SLC6A17: variants seen among roughly 807,000 people sequenced by gnomAD.
The protein encoded by SLC6A17 is solute carrier family 6 member 17, also known as sodium-dependent neutral amino acid transporter SLC6A17.
In SLC6A17, 21 loss-of-function variants were observed where a neutral mutation model predicts 64.5. The observed-to-expected ratio is 0.33, with a 90% CI of 0.23 to 0.47. SLC6A17 has a LOEUF of 0.47. Among genes scored for constraint, SLC6A17 ranks in the 20% least tolerant of loss-of-function variants. SLC6A17 has a pLI of 1.00. For missense variants in SLC6A17, 682 were observed against 963.2 expected (o/e 0.71, Z 3.86); for synonymous variants, 372 against 399.5 (o/e 0.93, Z 0.82).
Position 110,200,333 on chromosome 1 carries a change from A to G in SLC6A17, c.*1889A>G. 1.1e-5 allele frequency: 4 copies of G among 374,346 alleles called. No homozygotes were observed. The highest frequency in any genetic ancestry group is 1.9e-5 in the Non-Finnish European group (4 of 211,128). The allele number at this position is 374,346 out of a possible 1,614,324, so 23.2% of individuals were successfully genotyped here. On this transcript the variant is annotated 3_prime_UTR_variant, in exon 12 of 12. Coordinates refer to ENST00000331565, the MANE Select transcript of SLC6A17 (RefSeq NM_001010898.4). The stretch of plus-strand genomic sequence containing the variant: ...GGAGAGAGAGACCCACATCTCCCCA[A>G]AGAGATGAGCTTTTGGGGCACAACA...
intron 1 of SLC6A17, among the ~76,000 whole-genome samples, chr1:110,154,027 G>A (rs945064401): frequency 3.9e-5 from 6 of 152,248 alleles, no homozygotes; most frequent in Admixed American, 1.3e-4. Context: ...GCAGTGATAT[G>A]TAAGGAAATG....
In SLC6A17 at chr1:110,195,723, G is replaced by T; in HGVS notation, c.1630G>T (p.Ala544Ser). 6.2e-7 allele frequency: 1 copy of T among 1,614,238 alleles called. No individual in the cohort carries two copies. The highest frequency in any genetic ancestry group is 8.5e-7 in the Non-Finnish European group (1 of 1,180,046). ...LIVILENIAV[A>S]WIYGTKKFMQ... Reference sequence around the variant, plus strand: ...CGTCATCCTTGAGAACATCGCTGTGGCCTGGATTTATGGAACCAAGAAGTA... The same window carrying T: ...CGTCATCCTTGAGAACATCGCTGTGTCCTGGATTTATGGAACCAAGAAGTA... The change falls in exon 10 of 12, where the codon GCC (alanine) becomes TCC (serine). Residue 544 changes from alanine (A) to serine (S), a missense_variant. Physicochemically the swap from Ala to Ser is moderately conservative, Grantham distance 99. Around this residue, in one of 3 missense-constraint regions of SLC6A17, gnomAD observed 264 missense variants for 339.5 expected, o/e 0.78. Coordinates refer to ENST00000331565, the MANE Select transcript of SLC6A17 (RefSeq NM_001010898.4).
intron 1 of SLC6A17, among the ~76,000 whole-genome samples, chr1:110,158,588 A>G (rs1655819935): frequency 1.3e-5 from 2 of 152,338 alleles, no homozygotes; most frequent in South Asian, 4.1e-4. Flanking sequence ...ACTCATGACA[A>G]CCCTACGAGG....
chr1:110,172,018 G>A (rs774309686), intron 2 of SLC6A17, 42 bp from the exon 3 acceptor site: 31 of 1,605,932 alleles, frequency 1.9e-5, no homozygotes, highest in Non-Finnish European at 2.4e-5. Flanking sequence ...CTCTGCTGCT[G>A]TGCTCCAGAG....
chr1:110,150,651 C>T lies in SLC6A17; in HGVS notation c.-320C>T, dbSNP rs2101833542. Reference sequence around the variant, plus strand: ...CCGTGGGACCTGGGTCCCCGCGCCGCTCCCCTGAGCCCCGAGCGCGCGGCG... The same window carrying T: ...CCGTGGGACCTGGGTCCCCGCGCCGTTCCCCTGAGCCCCGAGCGCGCGGCG... On this transcript the variant is annotated 5_prime_UTR_variant, in exon 1 of 12. Transcript: ENST00000331565. 6.6e-6 allele frequency: 1 copy of T among 152,346 alleles called. No homozygotes were observed. The highest frequency in any genetic ancestry group is 2.1e-4 in the South Asian group (1 of 4,832). 9.4% of individuals were successfully genotyped at this position (152,346 alleles called of 1,614,324 possible). A position where few individuals can be genotyped will look rare whatever the true frequency, so the allele number is the denominator to read the frequency against.
intron 1 of SLC6A17, among the ~76,000 whole-genome samples, chr1:110,151,806 A>G (rs1269324760): frequency 6.6e-6 from 1 of 150,574 alleles, no homozygotes; most frequent in Non-Finnish European, 1.5e-5. Flanking sequence ...TTTTTTTTTT[A>G]AGAAATACTT....
intron 1 of SLC6A17, among the ~76,000 whole-genome samples, chr1:110,162,100 G>A (rs559027527): frequency 6.6e-6 from 1 of 152,392 alleles, no homozygotes; most frequent in Admixed American, 6.5e-5. Flanking sequence ...GTGCTTTCAG[G>A]GATGGAGGCA....
At chr1:110,155,501 A>C (rs1474196216) in intron 1 of SLC6A17, among the ~76,000 whole-genome samples, 1 of 152,136 alleles carries the variant, frequency 6.6e-6, no homozygotes, top group African/African-American at 2.4e-5. Context: ...TGAGTCCCTA[A>C]CTAGGGAGTT....
intron 4 of SLC6A17, 42 bp downstream of exon 4, chr1:110,174,141 C>G (rs1666376795): frequency 6.2e-7 from 1 of 1,606,432 alleles, no homozygotes; most frequent in African/African-American, 1.3e-5. Context: ...CAGCCCTGTC[C>G]CAGGAAGGGG....
At chr1:110,182,957 G>A (rs1409208652) in intron 6 of SLC6A17, among the ~76,000 whole-genome samples, 2 of 152,170 alleles carry the variant, frequency 1.3e-5, no homozygotes, top group African/African-American at 4.8e-5. Context: ...ACTGGAGAGG[G>A]TCATGGGGTC....
intron 1 of SLC6A17, among the ~76,000 whole-genome samples, chr1:110,152,772 A>G (rs942759904): frequency 1.3e-5 from 2 of 152,128 alleles, no homozygotes; most frequent in African/African-American, 2.4e-5. Flanking sequence ...TGCCTATGAT[A>G]TTATTTCTGC....
chr1:110,169,842 G>A (rs570917923), intron 2 of SLC6A17, among the ~76,000 whole-genome samples: 41 of 152,342 alleles, frequency 2.7e-4, no homozygotes, highest in Middle Eastern at 3.4e-3. Context: ...TGCAACAAAG[G>A]TTGATATGAA....
chr1:110,157,827 G>A (rs745770800), intron 1 of SLC6A17, among the ~76,000 whole-genome samples: 3 of 152,080 alleles, frequency 2.0e-5, no homozygotes, highest in Non-Finnish European at 4.4e-5. Flanking sequence ...AGGCATGCAG[G>A]TCCTGCCTCA....
chr1:110,154,594 T>A (rs1440462593), intron 1 of SLC6A17, among the ~76,000 whole-genome samples: 1 of 152,192 alleles, frequency 6.6e-6, no homozygotes, highest in Non-Finnish European at 1.5e-5. Flanking sequence ...CTTGGTGCTT[T>A]CTTGTCCTTT....
At chr1:110,168,745 G>T (rs935006834) in intron 2 of SLC6A17, among the ~76,000 whole-genome samples, 1 of 152,210 alleles carries the variant, frequency 6.6e-6, no homozygotes, top group Non-Finnish European at 1.5e-5. Flanking sequence ...TAGCTTAGAT[G>T]ATCAGTTCTG....
intron 1 of SLC6A17, among the ~76,000 whole-genome samples, chr1:110,151,116 G>A (rs901375006): frequency 2.0e-5 from 3 of 152,258 alleles, no homozygotes; most frequent in Non-Finnish European, 4.4e-5. Flanking sequence ...CCCCAGCGGC[G>A]TACGCACGGG....
intron 6 of SLC6A17, among the ~76,000 whole-genome samples, chr1:110,185,053 T>A (rs909800103): frequency 6.6e-6 from 1 of 152,158 alleles, no homozygotes; most frequent in Non-Finnish European, 1.5e-5. Flanking sequence ...GAGAGAGGGC[T>A]TCTCAGCAGG....
intron 6 of SLC6A17, 116 bp downstream of exon 6, chr1:110,176,855 A>G (rs763399466): frequency 8.8e-6 from 8 of 907,462 alleles, no homozygotes; most frequent in Non-Finnish European, 1.4e-5. Context: ...TGTGTTGGGT[A>G]TCGTACCAGG....
chr1:110,166,892 G>GCTTCCC lies in SLC6A17; in HGVS notation c.-38_-37insCTTCCC. 1 of 1,565,634 alleles carries GCTTCCC rather than the reference G, an allele frequency of 6.4e-7. No individual in the cohort carries two copies. The highest frequency in any genetic ancestry group is 8.7e-7 in the Non-Finnish European group (1 of 1,151,582). ...AGCAGCTGAATTCCATCTTCTCTGT[G>GCTTCCC]TGCTGGGGAGCAGGGCTACACGGCC... On this transcript the variant is annotated 5_prime_UTR_variant, in exon 2 of 12. Transcript: ENST00000331565.
Sources: gnomAD v4.1 joint callset for allele counts (sites outside exome capture counted in the v4.1 genomes callset) on GRCh38, gnomAD v4.1.1 for gene constraint, gnomAD v4.1.1 regional missense constraint, MANE v1.5 for transcripts, NCBI Gene and HGNC (gene_info 2026-07-23, HGNC 2026-07-21) for gene names.